TRAF3: variants seen among roughly 807,000 people sequenced by gnomAD.
TRAF3 encodes TNF receptor-associated factor 3.
TRAF3 carries 13 observed loss-of-function variants against 62.3 expected under a neutral mutation model. That is an observed-to-expected ratio of 0.21 (90% CI 0.14 to 0.33). The LOEUF is 0.33. Among genes scored for constraint, TRAF3 ranks in the 10% least tolerant of loss-of-function variants. The pLI is 1.00. For missense variants in TRAF3, 440 were observed against 741.8 expected (o/e 0.59, Z 4.73); for synonymous variants, 269 against 283.4 (o/e 0.95, Z 0.51).
chr14:102,870,155 T>C, intron 2 of TRAF3, 30 bp from the exon 3 acceptor site: 1 of 1,613,996 alleles, frequency 6.2e-7, no homozygotes, highest in Non-Finnish European at 8.5e-7. Flanking sequence ...TGAGAGGATA[T>C]GATGGCACTC....
At position 102,819,176 on chromosome 14, in the gene TRAF3, AT is replaced by A. The variant is rs1322502596; in HGVS notation, c.-156-11156del. On this transcript the variant is annotated intron_variant, in intron 1 of 11. Transcript: ENST00000392745. ...CCCCCTCCCCTGCCACTATGCTCTG[AT>A]TCCTAGAGCGGTGTGTCCCTGTCCT... Among the ~76,000 whole-genome samples, 21 of 151,360 alleles carry A rather than the reference AT, an allele frequency of 1.4e-4. 1 individual carries two copies. Among genetic ancestry groups the A allele is most frequent in the Admixed American group, 1.4e-3 (21 of 15,208 alleles).
intron 2 of TRAF3, among the ~76,000 whole-genome samples, chr14:102,842,668 C>T (rs1213104666): frequency 6.6e-6 from 1 of 152,030 alleles, no homozygotes; most frequent in Non-Finnish European, 1.5e-5. Context: ...TCCAAGGTAC[C>T]TCATAATCAG....
At chr14:102,845,941 A>G (rs1472880951) in intron 2 of TRAF3, among the ~76,000 whole-genome samples, 1 of 135,434 alleles carries the variant, frequency 7.4e-6, no homozygotes, top group African/African-American at 2.7e-5. Context: ...TGATCATGCC[A>G]CTGCACTCTA....
chr14:102,841,571 A>G (rs1335201121), intron 2 of TRAF3, among the ~76,000 whole-genome samples: 1 of 152,250 alleles, frequency 6.6e-6, no homozygotes, highest in African/African-American at 2.4e-5. Context: ...TCCATAGACC[A>G]ATGGGCTGCT....
intron 2 of TRAF3, among the ~76,000 whole-genome samples, chr14:102,851,922 G>A (rs1294140739): frequency 2.0e-5 from 3 of 151,658 alleles, no homozygotes; most frequent in Admixed American, 1.3e-4. Context: ...GGGTGTGGTG[G>A]TGCATGCCTG....
At chr14:102,780,387 A>G (rs1897225648) in intron 1 of TRAF3, among the ~76,000 whole-genome samples, 1 of 152,204 alleles carries the variant, frequency 6.6e-6, no homozygotes, top group Admixed American at 6.5e-5. Flanking sequence ...TCATAATTAA[A>G]ATACAAAATG....
chr14:102,811,550 G>GTTTTTTTTTT (rs35064640), intron 1 of TRAF3, among the ~76,000 whole-genome samples: 2 of 79,502 alleles, frequency 2.5e-5, no homozygotes, highest in Admixed American at 1.6e-4. Context: ...GCTGTAGGCG[G>GTTTTTTTTTT]TTTTTTTTTT....
At chr14:102,813,546 G>A (rs945176467) in intron 1 of TRAF3, among the ~76,000 whole-genome samples, 6 of 151,624 alleles carry the variant, frequency 4.0e-5, no homozygotes, top group Non-Finnish European at 7.4e-5. Flanking sequence ...CACCTCCAAG[G>A]TTCAAGTGAT....
chr14:102,882,181 C>G (rs1463210598), intron 6 of TRAF3, among the ~76,000 whole-genome samples: 2 of 152,164 alleles, frequency 1.3e-5, no homozygotes, highest in South Asian at 4.1e-4. Context: ...TTCATTTGAT[C>G]TGGGCCTTGA....
rs912444903 is a variant in TRAF3 at position 102,870,165 on chromosome 14, C to CTA, written c.-17-19_-17-18dup. ...TTGCATGAGAGGATATGATGGCACT[C>CTA]TACTGTTTTTTCCCGACAGAACTCC... On this transcript the variant is annotated intron_variant, in intron 2 of 11. Transcript: ENST00000392745. The CTA allele has an allele frequency of 2.5e-6, 4 of 1,613,864 alleles. No individual in the cohort carries two copies. The highest frequency in any genetic ancestry group is 3.4e-6 in the Non-Finnish European group (4 of 1,180,016).
At chr14:102,817,002 G>A (rs1020878796) in intron 1 of TRAF3, among the ~76,000 whole-genome samples, 2 of 152,184 alleles carry the variant, frequency 1.3e-5, no homozygotes, top group Admixed American at 1.3e-4. Context: ...GAGGAAGGGG[G>A]TCCTTTATGA....
At chr14:102,827,682 A>C (rs1449809250) in intron 1 of TRAF3, among the ~76,000 whole-genome samples, 1 of 152,246 alleles carries the variant, frequency 6.6e-6, no homozygotes, top group Non-Finnish European at 1.5e-5. Context: ...GCACATGGTC[A>C]GTGCTCACTA....
At chr14:102,871,361 C>T (rs1362677346) in intron 3 of TRAF3, among the ~76,000 whole-genome samples, 1 of 152,218 alleles carries the variant, frequency 6.6e-6, no homozygotes, top group African/African-American at 2.4e-5. Flanking sequence ...CACAGAACAC[C>T]GTGTCTCCTA....
At chr14:102,864,260 T>G (rs1325178978) in intron 2 of TRAF3, among the ~76,000 whole-genome samples, 2 of 151,094 alleles carry the variant, frequency 1.3e-5, no homozygotes, top group East Asian at 3.9e-4. Context: ...GCCATTCTCC[T>G]GCCTCAGCCT....
In TRAF3 at chr14:102,903,073, C is replaced by T; in HGVS notation, c.961-182C>T. On this transcript the variant is annotated intron_variant, in intron 10 of 11. Coordinates refer to ENST00000392745, the MANE Select transcript of TRAF3 (RefSeq NM_145725.3). The surrounding 1 kb of genome is among the most constrained non-coding windows in gnomAD (Gnocchi z 6.4). Reference sequence around the variant, plus strand: ...TCCCTGCCGGCACAAGCACTTGATCCCAGGGAGCTCCCAGGAGGCCTGATG... The same window carrying T: ...TCCCTGCCGGCACAAGCACTTGATCTCAGGGAGCTCCCAGGAGGCCTGATG... 1 of 785,520 alleles carries T rather than the reference C, an allele frequency of 1.3e-6. No individual in the cohort carries two copies. Among genetic ancestry groups the T allele is most frequent in the Non-Finnish European group, 2.2e-6 (1 of 460,148 alleles). The allele number at this position is 785,520 out of a possible 1,614,324, so 48.7% of individuals were successfully genotyped here.
chr14:102,790,480 C>G (rs1897733171), intron 1 of TRAF3, among the ~76,000 whole-genome samples: 1 of 152,152 alleles, frequency 6.6e-6, no homozygotes, highest in Admixed American at 6.5e-5. Flanking sequence ...TTAATGGACT[C>G]ATTGTTTCAC....
intron 2 of TRAF3, among the ~76,000 whole-genome samples, chr14:102,832,387 G>A (rs928907602): frequency 2.0e-5 from 3 of 152,128 alleles, no homozygotes; most frequent in African/African-American, 7.2e-5. Context: ...TATTTATCAA[G>A]CACTGGCCGG....
At chr14:102,877,226 A>G (rs1254151003) in intron 6 of TRAF3, among the ~76,000 whole-genome samples, 1 of 148,284 alleles carries the variant, frequency 6.7e-6, no homozygotes, top group African/African-American at 2.6e-5. Flanking sequence ...TCCGTTCCAC[A>G]GGCCCTCCCC....
intron 2 of TRAF3, among the ~76,000 whole-genome samples, chr14:102,859,617 A>C (rs1887570141): frequency 6.6e-6 from 1 of 152,248 alleles, no homozygotes; most frequent in South Asian, 2.1e-4. Flanking sequence ...ATAATCTTTA[A>C]AATTTTCTTT....
Sources: gnomAD v4.1 joint callset for allele counts (sites outside exome capture counted in the v4.1 genomes callset) on GRCh38, gnomAD v4.1.1 for gene constraint, Gnocchi (gnomAD v3.1) non-coding constraint, MANE v1.5 for transcripts, NCBI Gene and HGNC (gene_info 2026-07-23, HGNC 2026-07-21) for gene names.